U2SURP: variants seen among roughly 807,000 people sequenced by gnomAD.
U2SURP encodes the protein U2 snRNP associated SURP domain containing.
A neutral mutation model predicts 144.9 loss-of-function variants in U2SURP; 9 were observed. The ratio of observed to expected loss-of-function variants is 0.06; its 90% CI spans 0.04 to 0.11. The LOEUF (loss-of-function observed/expected upper bound fraction) is 0.11, where lower values mean the gene tolerates loss of function less well. Ranked by LOEUF, U2SURP falls within the 10% of genes least tolerant of loss-of-function variation. The pLI is 1.00. For missense variants in U2SURP, 724 were observed against 1,226.7 expected, an observed-to-expected ratio of 0.59 and a Z score of 6.12; for synonymous variants, 408 against 396.8, an observed-to-expected ratio of 1.03 and a Z score of -0.33.
intron 1 of U2SURP, among the ~76,000 whole-genome samples, chr3:143,001,965 T>A (rs1239971410): frequency 6.6e-6 from 1 of 152,208 alleles, no homozygotes; most frequent in African/African-American, 2.4e-5. Flanking sequence ...TCTGAAGCAG[T>A]GAAAACGCTC....
chr3:143,010,172 A>G (rs1261976920), intron 1 of U2SURP, among the ~76,000 whole-genome samples: 1 of 152,206 alleles, frequency 6.6e-6, no homozygotes, highest in Non-Finnish European at 1.5e-5. Context: ...ATAATCTGAT[A>G]GGTAGATCAC....
Position 143,014,356 on chromosome 3 carries a change from A to G in U2SURP, c.268A>G (p.Ser90Gly). 2 of 1,609,888 alleles carry G rather than the reference A, an allele frequency of 1.2e-6. No individual in the cohort carries two copies. Among genetic ancestry groups the G allele is most frequent in the Non-Finnish European group, 1.7e-6 (2 of 1,177,788 alleles). Reference sequence around the variant, plus strand: ...TAAAGCATTCAGTATTGGAAAAATGAGTACAGCTAAGCGAACTTTAAGTAA... The same window carrying G: ...TAAAGCATTCAGTATTGGAAAAATGGGTACAGCTAAGCGAACTTTAAGTAA... ...KLKAFSIGKM[S>G]TAKRTLSKKE... Residue 90 changes from serine (S) to glycine (G), a missense_variant, in exon 4 of 28, where the codon AGT (serine) becomes GGT (glycine). Ser to Gly is a moderately conservative substitution (Grantham distance 56, BLOSUM62 0). Around this residue, in one of 13 missense-constraint regions of U2SURP, gnomAD observed 115 missense variants for 258.1 expected, o/e 0.45. Transcript: ENST00000473835.
chr3:143,025,181 G>C (rs1933059800), intron 13 of U2SURP, among the ~76,000 whole-genome samples: 1 of 152,018 alleles, frequency 6.6e-6, no homozygotes, highest in South Asian at 2.1e-4. Flanking sequence ...AGATTTATCA[G>C]TTACAAGCCT....
intron 25 of U2SURP, 116 bp from the exon 26 acceptor site, chr3:143,053,560 A>G: frequency 1.3e-6 from 1 of 769,772 alleles, no homozygotes; most frequent in South Asian, 2.5e-5. Flanking sequence ...ATAGTATTGT[A>G]CCTTAAGTAG....
intron 4 of U2SURP, among the ~76,000 whole-genome samples, chr3:143,015,206 CA>C (rs1406908689): frequency 6.6e-6 from 1 of 152,096 alleles, no homozygotes; most frequent in Non-Finnish European, 1.5e-5. Context: ...GGATTTCTCT[CA>C]TTATGAGTAA....
intron 25 of U2SURP, among the ~76,000 whole-genome samples, chr3:143,052,804 C>T (rs987232987): frequency 1.8e-4 from 27 of 152,264 alleles, no homozygotes; most frequent in African/African-American, 5.8e-4. Flanking sequence ...GCATATGAAT[C>T]GTAGAGAAAT....
intron 1 of U2SURP, among the ~76,000 whole-genome samples, chr3:143,009,403 G>A (rs983943606): frequency 6.6e-6 from 1 of 151,952 alleles, no homozygotes; most frequent in Non-Finnish European, 1.5e-5. Flanking sequence ...TTCGAGACCA[G>A]CCTGGCCAAC....
rs1310557440 is a variant in U2SURP, at chr3:143,056,924, T to A, written c.*474T>A. 1.3e-5 allele frequency: 2 copies of A among 156,812 alleles called. No individual in the cohort carries two copies. The highest frequency in any genetic ancestry group is 2.8e-5 in the Non-Finnish European group (2 of 70,506). The allele number at this position is 156,812 out of a possible 1,614,324, so 9.7% of individuals were successfully genotyped here. ...TTTCACACTACTGTTGTGCTTCTTA[T>A]ACCTGATGCACTTTATAAGCCCCAG... is the stretch of plus-strand genomic sequence containing the variant. On this transcript the variant is annotated 3_prime_UTR_variant, in exon 28 of 28. Coordinates refer to ENST00000473835, the MANE Select transcript of U2SURP (RefSeq NM_001080415.2).
chr3:143,015,536 A>G (rs945931674), intron 4 of U2SURP, among the ~76,000 whole-genome samples: 18 of 151,994 alleles, frequency 1.2e-4, no homozygotes, highest in Admixed American at 1.3e-4. Context: ...TTTGTAGTTT[A>G]TTCTGGTATG....
chr3:143,028,320 T>C lies in U2SURP; in HGVS notation c.1380-20T>C. ...CTTTGTTAAAGAATATGATGTTTAA[T>C]GTTTGTTTGTTTTGTGTAGGTTCTT... On this transcript the variant is annotated intron_variant, in intron 14 of 27. Coordinates refer to ENST00000473835, the MANE Select transcript of U2SURP (RefSeq NM_001080415.2). The C allele has an allele frequency of 6.3e-7, 1 of 1,599,802 alleles. No homozygotes were observed. The highest frequency in any genetic ancestry group is 8.5e-7 in the Non-Finnish European group (1 of 1,172,170).
intron 16 of U2SURP, 67 bp downstream of exon 16, chr3:143,028,713 T>C (rs1933302028): frequency 7.3e-7 from 1 of 1,375,718 alleles, no homozygotes; most frequent in South Asian, 1.4e-5. Context: ...TAATTAATGG[T>C]CTTATTAAGA....
rs770985608 is a variant in U2SURP, at chr3:143,012,340, A to G, written c.209A>G (p.Gln70Arg). 1 of 1,611,656 alleles carries G rather than the reference A, an allele frequency of 6.2e-7. No individual in the cohort carries two copies. Among genetic ancestry groups the G allele is most frequent in the South Asian group, 1.1e-5 (1 of 90,688 alleles). Residue 70 changes from glutamine (Q) to arginine (R), a missense_variant, in exon 3 of 28, where the codon CAG (glutamine) becomes CGG (arginine). By Grantham distance (43) the Gln-to-Arg change is conservative. This residue lies in a region of U2SURP where 127 missense variants were observed against 98.2 expected (regional missense o/e 1.29). Coordinates refer to ENST00000473835, the MANE Select transcript of U2SURP (RefSeq NM_001080415.2). ...ARESLCDSPH[Q>R]NLSRPLLENK... is the part of the protein sequence containing the mutation. ...GAAAGCCTTTGTGATTCTCCTCATC[A>G]GAATCTCTCAAGAGTGAGTATAGAT...
At chr3:143,039,469 C>T (rs1933982706) in intron 23 of U2SURP, among the ~76,000 whole-genome samples, 1 of 151,664 alleles carries the variant, frequency 6.6e-6, no homozygotes, top group African/African-American at 2.4e-5. Context: ...TGGTAATCAC[C>T]CCAAAATTGT....
At chr3:143,044,289 CT>C (rs56916268) in intron 24 of U2SURP, among the ~76,000 whole-genome samples, 32,641 of 81,542 alleles carry the variant, frequency 0.4, 4,711 homozygotes, top group Middle Eastern at 0.52. Context: ...CTCCCCTCTC[CT>C]TTTTTTTTTT....
chr3:143,015,310 C>T (rs1035094815), intron 4 of U2SURP, among the ~76,000 whole-genome samples: 3 of 152,040 alleles, frequency 2.0e-5, no homozygotes, highest in African/African-American at 7.2e-5. Context: ...CTTTGTTATA[C>T]AAGGTACAAT....
intron 24 of U2SURP, among the ~76,000 whole-genome samples, chr3:143,043,870 G>A (rs1305209270): frequency 3.3e-5 from 5 of 151,368 alleles, no homozygotes; most frequent in Admixed American, 2.6e-4. Context: ...CTGGGTTCAC[G>A]CCATTCGCCT....
chr3:143,030,042 A>G (rs1472545715), intron 16 of U2SURP, among the ~76,000 whole-genome samples: 2 of 152,260 alleles, frequency 1.3e-5, no homozygotes, highest in African/African-American at 4.8e-5. Context: ...GAAAGAAGCC[A>G]TCTTCATAAT....
At chr3:143,002,040 G>A (rs1273215841) in intron 1 of U2SURP, among the ~76,000 whole-genome samples, 1 of 152,198 alleles carries the variant, frequency 6.6e-6, no homozygotes, top group Non-Finnish European at 1.5e-5. Context: ...GGCGGGAATC[G>A]CTTCCCGGTG....
intron 1 of U2SURP, 148 bp downstream of exon 1, chr3:143,001,821 C>T: frequency 9.5e-7 from 1 of 1,052,384 alleles, no homozygotes; most frequent in African/African-American, 1.6e-5. Flanking sequence ...CCGTTGTGCG[C>T]AGGTTGAGAG....
Sources: gnomAD v4.1 joint callset for allele counts (sites outside exome capture counted in the v4.1 genomes callset) on GRCh38, gnomAD v4.1.1 for gene constraint, gnomAD v4.1.1 regional missense constraint, MANE v1.5 for transcripts, NCBI Gene and HGNC (gene_info 2026-07-23, HGNC 2026-07-21) for gene names.